Variants in RBFOX2 observed in about 807,000 individuals in gnomAD.
RBFOX2 encodes the protein RNA binding protein fox-1 homolog 2.
A neutral mutation model predicts 49.1 loss-of-function variants in RBFOX2; 10 were observed. That is an observed-to-expected ratio of 0.20 (90% CI 0.13 to 0.35). RBFOX2 has a LOEUF of 0.35. Among genes scored for constraint, RBFOX2 ranks in the 10% least tolerant of loss-of-function variants. The pLI is 1.00. For missense variants in RBFOX2, 323 were observed against 486.9 expected, an observed-to-expected ratio of 0.66 and a Z score of 3.17; for synonymous variants, 183 against 187.4, an observed-to-expected ratio of 0.98 and a Z score of 0.19.
At chr22:35,897,724 G>C in intron 1 of RBFOX2, 2 of 853,462 alleles carry the variant, frequency 2.3e-6, no homozygotes, top group East Asian at 2.4e-5. Context: ...GGAAACAAGG[G>C]GTATAGCACC....
chr22:35,967,971 G>A (rs2056659531), intron 1 of RBFOX2, among the ~76,000 whole-genome samples: 1 of 152,042 alleles, frequency 6.6e-6, no homozygotes, highest in South Asian at 2.1e-4. Flanking sequence ...GAGAACAGTG[G>A]GGCAGGAAAG....
chr22:35,942,657 G>A (rs1431911017), upstream of RBFOX2, among the ~76,000 whole-genome samples: 2 of 151,044 alleles, frequency 1.3e-5, no homozygotes, highest in East Asian at 3.9e-4. Context: ...AGAAGGCTCA[G>A]GCAGGAGGAT....
rs562032524 is a variant in RBFOX2, at chr22:35,898,499, C to G, written c.-34+40348G>C. On this transcript the variant is annotated intron_variant, in intron 1 of 13. Coordinates refer to the RBFOX2 transcript ENST00000359369. Reference sequence around the variant, plus strand: ...GCAGTGCAGTGGCGTGATCTCGACTCATCGCAACCTCTGCCTCCCAGGCTC... The same window carrying G: ...GCAGTGCAGTGGCGTGATCTCGACTGATCGCAACCTCTGCCTCCCAGGCTC... 188 of 298,126 alleles carry G rather than the reference C, an allele frequency of 6.3e-4. 2 individuals carry two copies. In the South Asian group the frequency reaches 7.7e-3, roughly 12 times the overall value. The allele number at this position is 298,126 out of a possible 1,614,324, so 18.5% of individuals were successfully genotyped here. A position where few individuals can be genotyped will look rare whatever the true frequency, so the allele number is the denominator to read the frequency against.
chr22:35,935,357 C>T (rs922902774), intron 1 of RBFOX2, among the ~76,000 whole-genome samples: 43 of 152,288 alleles, frequency 2.8e-4, no homozygotes, highest in Non-Finnish European at 3.5e-4. Flanking sequence ...TAGTGAAATG[C>T]TCAGAGTGCT....
intron 1 of RBFOX2, among the ~76,000 whole-genome samples, chr22:35,829,008 G>A (rs1017335724): frequency 9.9e-5 from 15 of 152,040 alleles, no homozygotes; most frequent in African/African-American, 3.4e-4. Flanking sequence ...CCGAGATCGC[G>A]CCACTGCACT....
intron 1 of RBFOX2, among the ~76,000 whole-genome samples, chr22:35,957,790 T>C (rs1405097657): frequency 6.6e-6 from 1 of 152,180 alleles, no homozygotes; most frequent in African/African-American, 2.4e-5. Context: ...TTGATAATTA[T>C]CTACATCTGG....
chr22:35,851,741 T>C (rs1003552643), intron 1 of RBFOX2, among the ~76,000 whole-genome samples: 1 of 151,734 alleles, frequency 6.6e-6, no homozygotes, highest in African/African-American at 2.4e-5. Context: ...GGCAGGAGAA[T>C]TGCTTGAACC....
chr22:35,799,622 C>A (rs1949401062), intron 2 of RBFOX2, among the ~76,000 whole-genome samples: 1 of 152,064 alleles, frequency 6.6e-6, no homozygotes, highest in Non-Finnish European at 1.5e-5. Flanking sequence ...CAAATAGGGA[C>A]AACTGATCTT....
At chr22:35,770,163 T>C (rs1942263337) in intron 4 of RBFOX2, among the ~76,000 whole-genome samples, 1 of 152,214 alleles carries the variant, frequency 6.6e-6, no homozygotes, top group Admixed American at 6.5e-5. Flanking sequence ...TAGCACCTGC[T>C]GAAGACAAGC....
intron 3 of RBFOX2, among the ~76,000 whole-genome samples, chr22:35,779,774 C>T (rs1427683400): frequency 1.3e-5 from 2 of 152,116 alleles, no homozygotes; most frequent in African/African-American, 4.8e-5. Context: ...AACAGAGAGT[C>T]ACAATGTGGA....
At chr22:35,835,924 CA>C (rs1358259162) in intron 1 of RBFOX2, among the ~76,000 whole-genome samples, 2 of 150,988 alleles carry the variant, frequency 1.3e-5, no homozygotes, top group African/African-American at 2.4e-5. Context: ...AGAAAGAAAC[CA>C]AATCTCTGGA....
chr22:35,767,104 G>A (rs1941217736), intron 5 of RBFOX2, among the ~76,000 whole-genome samples: 2 of 152,068 alleles, frequency 1.3e-5, no homozygotes, highest in Admixed American at 6.6e-5. Context: ...CTCTGAGTAA[G>A]ATGTGCAAGG....
rs563514471 is a variant in RBFOX2 at position 35,809,470 on chromosome 22, A to AAAT, written c.252+307_252+309dup. On this transcript the variant is annotated intron_variant, in intron 2 of 11. Transcript: ENST00000405409. ...TATAATTATGCAGAGAAAGGATATA[A>AAAT]AATAAAAAGAAAAGGGGTTCCAGGA... Among the ~76,000 whole-genome samples, 540 of 152,270 alleles carry AAAT rather than the reference A, an allele frequency of 3.5e-3. 1 individual carries two copies. The highest frequency in any genetic ancestry group is 5.7e-3 in the Non-Finnish European group (390 of 68,020).
intron 1 of RBFOX2, among the ~76,000 whole-genome samples, chr22:35,827,444 T>C (rs911250714): frequency 1.8e-4 from 28 of 151,856 alleles, no homozygotes; most frequent in Non-Finnish European, 3.5e-4. Context: ...TGCTAATGAC[T>C]TTTTTCCCCC....
chr22:35,885,525 T>C (rs140517914), intron 1 of RBFOX2, among the ~76,000 whole-genome samples: 1,634 of 152,244 alleles, frequency 0.011, 16 homozygotes, highest in Non-Finnish European at 0.016. Context: ...GGGACAGAAA[T>C]GTAACTAGCG....
intron 1 of RBFOX2, among the ~76,000 whole-genome samples, 184 bp from the exon 3 acceptor site, chr22:35,810,188 G>GACACACACACACAC (rs58254412): frequency 8.4e-5 from 12 of 142,598 alleles, no homozygotes; most frequent in Admixed American, 2.8e-4. Context: ...TATGTGGACA[G>GACACACACACACAC]ACACACACAC....
chr22:36,011,919 T>C (rs1188545030), intron 1 of RBFOX2, among the ~76,000 whole-genome samples: 1 of 152,230 alleles, frequency 6.6e-6, no homozygotes, highest in Non-Finnish European at 1.5e-5. Context: ...ATACACTGTC[T>C]ATAAAAATGA....
intron 1 of RBFOX2, among the ~76,000 whole-genome samples, chr22:35,849,478 G>A (rs959582419): frequency 9.2e-5 from 14 of 152,082 alleles, no homozygotes; most frequent in South Asian, 6.2e-4. Context: ...GAATGGTACC[G>A]GGTCAAAAGA....
intron 2 of RBFOX2, among the ~76,000 whole-genome samples, chr22:35,801,709 T>G (rs928410354): frequency 9.9e-5 from 15 of 151,928 alleles, no homozygotes; most frequent in African/African-American, 3.6e-4. Flanking sequence ...CCTGTAACCC[T>G]AGCTACTCGG....
Sources: gnomAD v4.1 joint callset for allele counts (sites outside exome capture counted in the v4.1 genomes callset) on GRCh38, gnomAD v4.1.1 for gene constraint, MANE v1.5 for transcripts, NCBI Gene and HGNC (gene_info 2026-07-23, HGNC 2026-07-21) for gene names.